Variants in EHBP1 observed in about 807,000 individuals in gnomAD.
EHBP1 encodes the protein EH domain-binding protein 1.
A neutral mutation model predicts 144.0 loss-of-function variants in EHBP1; 55 were observed. The ratio of observed to expected loss-of-function variants is 0.38; its 90% CI spans 0.31 to 0.48. EHBP1 has a LOEUF of 0.48. Ranked by LOEUF, EHBP1 falls within the 20% of genes least tolerant of loss-of-function variation. The probability of loss-of-function intolerance (pLI) is 0.98; values close to 1 mark genes in which losing one functional copy is unlikely to be tolerated. For missense variants in EHBP1, 1,200 were observed against 1,364.2 expected (o/e 0.88, Z 1.90); for synonymous variants, 469 against 472.7 (o/e 0.99, Z 0.10).
chr2:62,776,857 A>G (rs1403477257), intron 5 of EHBP1, among the ~76,000 whole-genome samples: 1 of 152,240 alleles, frequency 6.6e-6, no homozygotes, highest in Non-Finnish European at 1.5e-5. Context: ...TTTTTTAAAA[A>G]TATGAAGCCA....
At chr2:62,684,863 A>G (rs548038936) in intron 1 of EHBP1, among the ~76,000 whole-genome samples, 24 of 152,370 alleles carry the variant, frequency 1.6e-4, no homozygotes, top group African/African-American at 5.8e-4. Context: ...CAGCCATAAC[A>G]AAGTACCAAA....
At chr2:62,676,469 A>C (rs2033298216) in intron 1 of EHBP1, among the ~76,000 whole-genome samples, 1 of 152,232 alleles carries the variant, frequency 6.6e-6, no homozygotes. Flanking sequence ...AAAAATGGCC[A>C]GTGATGGTCA....
intron 5 of EHBP1, among the ~76,000 whole-genome samples, chr2:62,792,944 A>G (rs946741756): frequency 6.6e-6 from 1 of 151,918 alleles, no homozygotes; most frequent in African/African-American, 2.4e-5. Flanking sequence ...ATTAGCACTT[A>G]GTGTATCTTT....
At chr2:62,704,979 C>A (rs1350515612), upstream of EHBP1, among the ~76,000 whole-genome samples, 2 of 152,122 alleles carry the variant, frequency 1.3e-5, no homozygotes, top group African/African-American at 2.4e-5. Flanking sequence ...AAGAGGAAAC[C>A]AAGATTCAAA....
Position 62,979,299 on chromosome 2 carries a change from G to A in EHBP1, c.2572G>A (p.Ala858Thr). ...SELPSYGEMA[A>T]EKLKERSKAS... ...ACTTCCCAGCTATGGTGAAATGGCT[G>A]CAGAAAAGTTGAAAGAAAGGTCAAA... Residue 858 changes from alanine to threonine, a missense_variant, in exon 15 of 23, where the codon GCA becomes ACA. Ala to Thr is a moderately conservative substitution (Grantham distance 58). This residue lies in a region of EHBP1 where 543 missense variants were observed against 513.1 expected (regional missense o/e 1.06). Coordinates refer to ENST00000431489, the MANE Select transcript of EHBP1 (RefSeq NM_001142616.3). The A allele has an allele frequency of 6.2e-7, 1 of 1,613,884 alleles. No homozygotes were observed. The highest frequency in any genetic ancestry group is 8.5e-7 in the Non-Finnish European group (1 of 1,179,882).
At chr2:62,929,968 C>T (rs1437864974) in intron 10 of EHBP1, among the ~76,000 whole-genome samples, 1 of 152,156 alleles carries the variant, frequency 6.6e-6, no homozygotes, top group Non-Finnish European at 1.5e-5. Flanking sequence ...TAGCATCAGC[C>T]AGACACAGAA....
chr2:62,809,660 C>T (rs1371698717), intron 5 of EHBP1, among the ~76,000 whole-genome samples: 2 of 152,122 alleles, frequency 1.3e-5, no homozygotes, highest in Non-Finnish European at 2.9e-5. Context: ...CTGTCACTCC[C>T]CCAACTAGTA....
At position 62,835,108 on chromosome 2, in the gene EHBP1, G is replaced by GT. The variant is rs936489297; in HGVS notation, c.634+3957dup. Among the ~76,000 whole-genome samples, 14 of 151,952 alleles carry GT rather than the reference G, an allele frequency of 9.2e-5. No individual in the cohort carries two copies. In the South Asian group the frequency reaches 2.3e-3, roughly 25 times the overall value. ...TGCCTGTTGATATTTGTAAACAATG[G>GT]TTTTTTTAGATTTTTATTTTCTTGG... On this transcript the variant is annotated intron_variant, in intron 7 of 22. Coordinates refer to ENST00000431489, the MANE Select transcript of EHBP1 (RefSeq NM_001142616.3).
intron 1 of EHBP1, among the ~76,000 whole-genome samples, chr2:62,688,118 C>CT (rs1473196728): frequency 6.6e-6 from 1 of 152,198 alleles, no homozygotes; most frequent in Admixed American, 6.5e-5. Context: ...CTCTCTTGGG[C>CT]TCTGATTTTT....
intron 1 of EHBP1, among the ~76,000 whole-genome samples, chr2:62,690,528 A>G (rs1427179823): frequency 3.3e-5 from 5 of 152,190 alleles, no homozygotes; most frequent in African/African-American, 1.2e-4. Flanking sequence ...ATGCCACTGC[A>G]CTCCAGCCTG....
At chr2:63,032,676 T>G (rs1202994998) in intron 19 of EHBP1, among the ~76,000 whole-genome samples, 1 of 151,778 alleles carries the variant, frequency 6.6e-6, no homozygotes, top group East Asian at 1.9e-4. Flanking sequence ...AGCTTCTTCC[T>G]ATGTGTAAGT....
In EHBP1 at chr2:63,040,861, C is replaced by A. The variant is rs145057265; in HGVS notation, c.3277+2045C>A. Among the ~76,000 whole-genome samples the A allele has an allele frequency of 5.3e-5, 8 of 152,286 alleles. No homozygotes were observed. In the East Asian group the frequency reaches 1.5e-3, roughly 29 times the overall value. On this transcript the variant is annotated intron_variant, in intron 21 of 22. Coordinates refer to ENST00000431489, the MANE Select transcript of EHBP1 (RefSeq NM_001142616.3). Reference sequence around the variant, plus strand: ...TCTGTGAAGACAGTGTCCTCTGAGCCAACCCTTAGAGTGGACACACATTCA... The same window carrying A: ...TCTGTGAAGACAGTGTCCTCTGAGCAAACCCTTAGAGTGGACACACATTCA...
intron 3 of EHBP1, among the ~76,000 whole-genome samples, chr2:62,753,775 T>C (rs1462973248): frequency 6.6e-6 from 1 of 152,216 alleles, no homozygotes. Context: ...TTTCTTCCAG[T>C]TGATTGAATC....
intron 1 of EHBP1, among the ~76,000 whole-genome samples, chr2:62,681,637 TG>T (rs1375957841): frequency 1.3e-5 from 2 of 151,964 alleles, no homozygotes; most frequent in Non-Finnish European, 2.9e-5. Flanking sequence ...AAAACTATTA[TG>T]GGTATAAAAT....
chr2:62,858,382 G>A, intron 7 of EHBP1: 1 of 1,513,058 alleles, frequency 6.6e-7, no homozygotes, highest in South Asian at 1.2e-5. Context: ...CCTTATATTT[G>A]TCTTGACTGG....
chr2:62,726,217 T>G (rs1158406004), intron 2 of EHBP1, among the ~76,000 whole-genome samples: 1 of 152,194 alleles, frequency 6.6e-6, no homozygotes, highest in African/African-American at 2.4e-5. Flanking sequence ...CCCCTACCAC[T>G]TCTCTAAGCA....
At chr2:62,742,149 A>G (rs2038771202) in intron 2 of EHBP1, among the ~76,000 whole-genome samples, 2 of 152,278 alleles carry the variant, frequency 1.3e-5, no homozygotes, top group Admixed American at 1.3e-4. Flanking sequence ...TGTACTGTCT[A>G]GGTTTGTGTA....
At chr2:62,708,200 T>C (rs1399070793) in intron 2 of EHBP1, among the ~76,000 whole-genome samples, 1 of 152,190 alleles carries the variant, frequency 6.6e-6, no homozygotes, top group Non-Finnish European at 1.5e-5. Context: ...TGCTTTATTC[T>C]AGAACTCTTA....
chr2:62,976,252 C>A (rs2058707676), intron 14 of EHBP1, among the ~76,000 whole-genome samples: 1 of 152,098 alleles, frequency 6.6e-6, no homozygotes, highest in African/African-American at 2.4e-5. Context: ...AAGCTCGTCC[C>A]TGGCTCCATT....
Sources: gnomAD v4.1 joint callset for allele counts (sites outside exome capture counted in the v4.1 genomes callset) on GRCh38, gnomAD v4.1.1 for gene constraint, gnomAD v4.1.1 regional missense constraint, MANE v1.5 for transcripts, NCBI Gene and HGNC (gene_info 2026-07-23, HGNC 2026-07-21) for gene names.